Variants in PKHD1 observed in about 807,000 individuals in gnomAD.
PKHD1 encodes fibrocystin.
PKHD1 carries 291 observed loss-of-function variants against 412.0 expected under a neutral mutation model. That is an observed-to-expected ratio of 0.71 (90% CI 0.64 to 0.78). The LOEUF (loss-of-function observed/expected upper bound fraction) is 0.78. Among genes scored for constraint, PKHD1 ranks in the 30% least tolerant of loss-of-function variants. The pLI is 0.00. For synonymous variants in PKHD1, 1,777 were observed against 1,821.5 expected, an observed-to-expected ratio of 0.98 and a Z score of 0.62; for missense variants, 4,825 against 4,950.7, an observed-to-expected ratio of 0.97 and a Z score of 0.76.
chr6:51,820,993 C>T (rs1766321253), intron 52 of PKHD1, among the ~76,000 whole-genome samples: 1 of 152,086 alleles, frequency 6.6e-6, no homozygotes. Flanking sequence ...TGAAAAAAGC[C>T]CTGCTCTGCA....
intron 48 of PKHD1, among the ~76,000 whole-genome samples, chr6:51,864,916 G>A (rs1029817090): frequency 1.3e-5 from 2 of 151,778 alleles, no homozygotes; most frequent in African/African-American, 2.4e-5. Flanking sequence ...CTTGTTTCGT[G>A]TAATTATTTC....
intron 53 of PKHD1, among the ~76,000 whole-genome samples, chr6:51,786,412 TA>T (rs1193167953): frequency 1.3e-5 from 2 of 152,220 alleles, no homozygotes; most frequent in Non-Finnish European, 2.9e-5. Context: ...GTGCATTCTC[TA>T]CACTTCCAGC....
At position 52,025,803 on chromosome 6, in the gene PKHD1, C is replaced by G. The variant is rs762277305; in HGVS notation, c.4007G>C (p.Cys1336Ser). Residue 1336 changes from cysteine to serine, a missense_variant, in exon 32 of 67, where the codon TGT becomes TCT. Coordinates refer to ENST00000371117, the MANE Select transcript of PKHD1 (RefSeq NM_138694.4). ...NSVILLGNLNCDVETQSFQGN... is the reference protein window; with the variant it reads ...NSVILLGNLNSDVETQSFQGN... Reference sequence around the variant, plus strand: ...CTGGAAGGACTGTGTCTCAACATCACAGTTCAGGTTCCCCAGAAGGATGAC... The same window carrying G: ...CTGGAAGGACTGTGTCTCAACATCAGAGTTCAGGTTCCCCAGAAGGATGAC... 1 of 1,614,202 alleles carries G rather than the reference C, an allele frequency of 6.2e-7. No individual in the cohort carries two copies. Among genetic ancestry groups the G allele is most frequent in the African/African-American group, 1.3e-5 (1 of 75,058 alleles).
chr6:52,019,241 C>T (rs1048382155), intron 33 of PKHD1, among the ~76,000 whole-genome samples: 5 of 152,178 alleles, frequency 3.3e-5, no homozygotes, highest in African/African-American at 4.8e-5. Context: ...TATCAAGGGC[C>T]GTGGGCTTAG....
intron 52 of PKHD1, among the ~76,000 whole-genome samples, chr6:51,796,526 T>G (rs931755056): frequency 1.3e-5 from 2 of 152,142 alleles, no homozygotes; most frequent in Admixed American, 1.3e-4. Context: ...GGTTATTTCT[T>G]GTCTTCTGCT....
chr6:51,812,986 G>A (rs1229062011), intron 52 of PKHD1, among the ~76,000 whole-genome samples: 2 of 152,104 alleles, frequency 1.3e-5, no homozygotes, highest in African/African-American at 2.4e-5. Flanking sequence ...CCTATGACCT[G>A]TAAGCCTGCT....
At position 52,069,451 on chromosome 6, in the gene PKHD1, T is replaced by C; in HGVS notation, c.778+6A>G. On this transcript the variant is annotated splice_donor_region_variant and intron_variant, in intron 11 of 66. Transcript: ENST00000371117. ...GGAAGGGGTACTTGGTGAAGGGGGA[T>C]AGTACCTGAGTGTGTCTGGTATAGG... is the stretch of plus-strand genomic sequence containing the variant. The C allele has an allele frequency of 6.3e-7, 1 of 1,591,416 alleles. No individual in the cohort carries two copies. The highest frequency in any genetic ancestry group is 8.6e-7 in the Non-Finnish European group (1 of 1,159,264).
At chr6:51,759,536 T>C (rs1374549438) in intron 55 of PKHD1, among the ~76,000 whole-genome samples, 1 of 151,890 alleles carries the variant, frequency 6.6e-6, no homozygotes, top group African/African-American at 2.4e-5. Context: ...AAGAAAACTA[T>C]TCTCCAGTAG....
chr6:52,058,331 C>G lies in PKHD1; in HGVS notation c.1504G>C (p.Glu502Gln). Residue 502 changes from glutamate to glutamine, a missense_variant, in exon 16 of 67, where the codon GAA becomes CAA. Transcript: ENST00000371117. ...QIRVRAQRLP[E>Q]VQVLNVSGRG... ...TGGAAAGAGACACAGACCTGTACTT[C>G]TGGAAGCCTCTGGGCTCGGACTCGG... 2 of 1,614,160 alleles carry G rather than the reference C, an allele frequency of 1.2e-6. No individual in the cohort carries two copies. Among genetic ancestry groups the G allele is most frequent in the South Asian group, 2.2e-5 (2 of 91,080 alleles).
chr6:51,685,900 C>A (rs1174010858), intron 60 of PKHD1, among the ~76,000 whole-genome samples: 5 of 152,126 alleles, frequency 3.3e-5, no homozygotes, highest in Admixed American at 3.3e-4. Context: ...CAGGAAAACA[C>A]AGCTATACCT....
At chr6:51,744,693 GA>G in intron 59 of PKHD1, 151 bp from the exon 60 acceptor site, 1 of 653,132 alleles carries the variant, frequency 1.5e-6, no homozygotes. Flanking sequence ...AACTCTTTAT[GA>G]AATAATTTAT....
chr6:51,640,323 G>A (rs1002867229), intron 63 of PKHD1, among the ~76,000 whole-genome samples: 6 of 152,302 alleles, frequency 3.9e-5, no homozygotes, highest in African/African-American at 1.2e-4. Context: ...AAGTGCTTTA[G>A]TTCTAAATGG....
chr6:52,048,766 A>G, intron 22 of PKHD1, 147 bp from the exon 23 acceptor site: 1 of 806,052 alleles, frequency 1.2e-6, no homozygotes, highest in Non-Finnish European at 2.1e-6. Flanking sequence ...GGGAGTTTTC[A>G]GGACCACTCG....
intron 54 of PKHD1, among the ~76,000 whole-genome samples, chr6:51,775,510 T>C (rs181275022): frequency 1.3e-5 from 2 of 152,082 alleles, no homozygotes; most frequent in East Asian, 1.9e-4. Context: ...TAGTTGATAA[T>C]ATTGACTCAG....
chr6:51,948,985 T>C (rs1317163173), intron 36 of PKHD1, among the ~76,000 whole-genome samples: 1 of 152,098 alleles, frequency 6.6e-6, no homozygotes, highest in African/African-American at 2.4e-5. Flanking sequence ...AGTTAGGATG[T>C]GAATGTCAGG....
At chr6:52,001,568 T>C (rs1017138969) in intron 35 of PKHD1, among the ~76,000 whole-genome samples, 2 of 151,930 alleles carry the variant, frequency 1.3e-5, no homozygotes, top group Non-Finnish European at 2.9e-5. Context: ...TAGCTGGGAC[T>C]ACAGGCGCCC....
At chr6:51,852,993 T>A (rs981921845) in intron 49 of PKHD1, among the ~76,000 whole-genome samples, 8 of 152,210 alleles carry the variant, frequency 5.3e-5, no homozygotes, top group African/African-American at 1.9e-4. Context: ...CAATGCAGTT[T>A]CTTTGTAGTG....
At chr6:52,037,899 T>C (rs972862576) in intron 27 of PKHD1, among the ~76,000 whole-genome samples, 16 of 152,158 alleles carry the variant, frequency 1.1e-4, no homozygotes, top group African/African-American at 3.9e-4. Context: ...ATAACAAAGT[T>C]GGACCCTGTT....
chr6:51,841,411 C>T (rs1770181196), intron 50 of PKHD1, among the ~76,000 whole-genome samples: 1 of 152,092 alleles, frequency 6.6e-6, no homozygotes, highest in Non-Finnish European at 1.5e-5. Context: ...CTCTCCTCTC[C>T]TTTCCTTCCT....
Sources: allele counts gnomAD v4.1 joint callset (sites outside exome capture counted in the v4.1 genomes callset), GRCh38; gene constraint gnomAD v4.1.1; transcripts MANE v1.5; gene names NCBI Gene and HGNC (gene_info 2026-07-23, HGNC 2026-07-21).